Variants in CNTNAP2 observed in about 807,000 individuals in gnomAD.
CNTNAP2 encodes contactin-associated protein-like 2.
CNTNAP2 carries 98 observed loss-of-function variants against 155.2 expected under a neutral mutation model. That is an observed-to-expected ratio of 0.63 (90% CI 0.54 to 0.75). The LOEUF (loss-of-function observed/expected upper bound fraction) is 0.75. Ranked by LOEUF, CNTNAP2 falls within the 30% of genes least tolerant of loss-of-function variation. The pLI is 0.00. For synonymous variants in CNTNAP2, 651 were observed against 631.2 expected (o/e 1.03, Z -0.47); for missense variants, 1,727 against 1,688.1 (o/e 1.02, Z -0.40).
At position 147,804,416 on chromosome 7, in the gene CNTNAP2, T is replaced by A. The variant is rs545906562; in HGVS notation, c.2099-99149T>A. 3.3e-5 allele frequency among the ~76,000 whole-genome samples: 5 copies of A among 152,276 alleles called. 1 individual carries two copies. The highest frequency in any genetic ancestry group is 2.1e-4 in the South Asian group (1 of 4,826). ...TGGGCAGGGAGAGTTTACTCCACAA[T>A]GCCACAAAATCTTATCAGATTACTC... On this transcript the variant is annotated intron_variant, in intron 13 of 23. Coordinates refer to ENST00000361727, the MANE Select transcript of CNTNAP2 (RefSeq NM_014141.6).
At chr7:147,688,031 T>A (rs548346470) in intron 13 of CNTNAP2, among the ~76,000 whole-genome samples, 12 of 152,272 alleles carry the variant, frequency 7.9e-5, no homozygotes, top group African/African-American at 2.9e-4. Context: ...GCTGACGGAA[T>A]CTATGCTTCA....
intron 1 of CNTNAP2, among the ~76,000 whole-genome samples, chr7:146,499,630 C>T (rs1229445688): frequency 6.6e-6 from 1 of 152,034 alleles, no homozygotes; most frequent in African/African-American, 2.4e-5. Context: ...TGTGATCTTC[C>T]CCTCCCTGTG....
chr7:147,241,829 T>C (rs149063207), intron 8 of CNTNAP2, among the ~76,000 whole-genome samples: 1 of 152,152 alleles, frequency 6.6e-6, no homozygotes, highest in Non-Finnish European at 1.5e-5. Flanking sequence ...TAAATTTGAG[T>C]TTCAGATAAC....
At chr7:147,002,083 G>T (rs966803844) in intron 3 of CNTNAP2, among the ~76,000 whole-genome samples, 16 of 151,834 alleles carry the variant, frequency 1.1e-4, no homozygotes, top group Admixed American at 3.9e-4. Flanking sequence ...ATAATAGGTA[G>T]GGTAATAAAG....
intron 1 of CNTNAP2, among the ~76,000 whole-genome samples, chr7:146,154,036 G>C (rs1798089875): frequency 6.6e-6 from 1 of 151,768 alleles, no homozygotes; most frequent in Non-Finnish European, 1.5e-5. Flanking sequence ...AACACTGATT[G>C]TTCATTTCCC....
chr7:146,543,081 T>C (rs915459104), intron 1 of CNTNAP2, among the ~76,000 whole-genome samples: 1 of 151,876 alleles, frequency 6.6e-6, no homozygotes, highest in Non-Finnish European at 1.5e-5. Context: ...CAAAAAATGA[T>C]AAAACTATGT....
chr7:148,231,441 A>T (rs1795959071), intron 20 of CNTNAP2, among the ~76,000 whole-genome samples: 1 of 152,234 alleles, frequency 6.6e-6, no homozygotes, highest in African/African-American at 2.4e-5. Flanking sequence ...ATAGAATTAT[A>T]GAATTTGAAA....
intron 1 of CNTNAP2, among the ~76,000 whole-genome samples, chr7:146,640,341 T>C (rs1269066225): frequency 6.6e-6 from 1 of 152,192 alleles, no homozygotes; most frequent in Non-Finnish European, 1.5e-5. Flanking sequence ...AGAGAGTGAA[T>C]GTCTTTGGTG....
At chr7:147,833,098 G>A (rs1798579492) in intron 13 of CNTNAP2, among the ~76,000 whole-genome samples, 1 of 149,530 alleles carries the variant, frequency 6.7e-6, no homozygotes. Context: ...AATTTACTGA[G>A]TCCGTTTATT....
At chr7:146,763,948 T>C (rs553583074) in intron 1 of CNTNAP2, among the ~76,000 whole-genome samples, 2 of 152,198 alleles carry the variant, frequency 1.3e-5, no homozygotes, top group African/African-American at 4.8e-5. Flanking sequence ...CCAAGTACAC[T>C]GGGAAAATGC....
chr7:148,319,069 G>A (rs1347351992), intron 21 of CNTNAP2, among the ~76,000 whole-genome samples: 1 of 152,174 alleles, frequency 6.6e-6, no homozygotes, highest in Non-Finnish European at 1.5e-5. Context: ...TATGACCTAA[G>A]ATACTCTTTG....
At chr7:146,969,898 T>A (rs1313795526) in intron 3 of CNTNAP2, among the ~76,000 whole-genome samples, 1 of 152,038 alleles carries the variant, frequency 6.6e-6, no homozygotes, top group East Asian at 1.9e-4. Flanking sequence ...CCCTCAGAAA[T>A]AATGCCGCAT....
intron 3 of CNTNAP2, among the ~76,000 whole-genome samples, chr7:146,929,908 G>A (rs190093676): frequency 0.018 from 2,805 of 152,140 alleles, 72 homozygotes; most frequent in African/African-American, 0.062. Context: ...AAAAAGAAAC[G>A]AACAAAGCCT....
intron 15 of CNTNAP2, among the ~76,000 whole-genome samples, chr7:148,055,018 G>A (rs925609466): frequency 4.6e-5 from 7 of 151,946 alleles, no homozygotes; most frequent in South Asian, 2.1e-4. Flanking sequence ...AAGTAGCTGG[G>A]ATTACAAGTG....
chr7:146,815,550 A>G (rs1683884384), intron 2 of CNTNAP2, among the ~76,000 whole-genome samples: 1 of 152,184 alleles, frequency 6.6e-6, no homozygotes, highest in African/African-American at 2.4e-5. Flanking sequence ...ACATACACAT[A>G]TGTACACATA....
chr7:147,738,285 T>A (rs1228868709), intron 13 of CNTNAP2, among the ~76,000 whole-genome samples: 2 of 152,214 alleles, frequency 1.3e-5, no homozygotes, highest in African/African-American at 2.4e-5. Context: ...ACAACGGGAT[T>A]TGAGAGGACT....
At chr7:147,317,983 C>T (rs1282902274) in intron 9 of CNTNAP2, among the ~76,000 whole-genome samples, 1 of 151,992 alleles carries the variant, frequency 6.6e-6, no homozygotes. Context: ...AGAATTTTAG[C>T]AATACTATCT....
chr7:148,406,124 C>T (rs62508378), intron 22 of CNTNAP2, among the ~76,000 whole-genome samples: 42,395 of 151,082 alleles, frequency 0.28, 6,737 homozygotes, highest in African/African-American at 0.43. Context: ...CCCAGCTACT[C>T]GGGAGGCTGA....
At chr7:146,392,205 T>C (rs1795554728) in intron 1 of CNTNAP2, among the ~76,000 whole-genome samples, 1 of 152,018 alleles carries the variant, frequency 6.6e-6, no homozygotes, top group Admixed American at 6.6e-5. Flanking sequence ...TCATTAATAA[T>C]AATTATAAAT....
Sources: gnomAD v4.1 joint callset for allele counts (sites outside exome capture counted in the v4.1 genomes callset) on GRCh38, gnomAD v4.1.1 for gene constraint, MANE v1.5 for transcripts, NCBI Gene and HGNC (gene_info 2026-07-23, HGNC 2026-07-21) for gene names.